VMA22: variants seen among roughly 807,000 people sequenced by gnomAD.
VMA22 encodes the protein vacuolar ATPase assembly factor VMA22, also known as vacuolar ATPase assembly protein VMA22.
chr2:130,339,269 A>G, the VMA22 span: 9 of 1,551,842 alleles, frequency 5.8e-6, no homozygotes, highest in African/African-American at 8.2e-5. Flanking sequence ...TGGTATCTGT[A>G]GTGTAACACA....
At chr2:130,339,198 C>G in the VMA22 span, 1 of 1,614,180 alleles carries the variant, frequency 6.2e-7, no homozygotes, top group Non-Finnish European at 8.5e-7. Context: ...CAATGCGGTT[C>G]TGGAGGCTGG....
chr2:130,338,426 C>T, the VMA22 span: 1 of 152,118 alleles, frequency 6.6e-6, no homozygotes, highest in African/African-American at 2.4e-5. Context: ...ATAAACAGCT[C>T]CTAGAAATTA....
At chr2:130,341,228 T>G in the VMA22 span, 1 of 661,158 alleles carries the variant, frequency 1.5e-6, no homozygotes. Flanking sequence ...CAGATGAGAC[T>G]GTTTGTCCAC....
the VMA22 span, chr2:130,339,118 T>C: frequency 1.4e-5 from 23 of 1,610,996 alleles, no homozygotes; most frequent in Non-Finnish European, 2.0e-5. Flanking sequence ...TTTGCGCGCA[T>C]GTCAGGCAGC....
At chr2:130,341,770 A>C in the VMA22 span, 1 of 1,608,848 alleles carries the variant, frequency 6.2e-7, no homozygotes, top group African/African-American at 1.3e-5. Flanking sequence ...AGAAGGGAGG[A>C]TGGAGCTTTG....
the VMA22 span, chr2:130,339,472 C>G: frequency 7.2e-7 from 1 of 1,387,074 alleles, no homozygotes; most frequent in Non-Finnish European, 9.4e-7. Context: ...TATCACCCAC[C>G]AGGAACTAAA....
At chr2:130,342,546 G>A in the VMA22 span, 1 of 459,104 alleles carries the variant, frequency 2.2e-6, no homozygotes, top group African/African-American at 2.0e-5. Context: ...GTCGGTGTGC[G>A]GTTTTTACAG....
chr2:130,340,830 C>G, the VMA22 span: 1 of 1,554,012 alleles, frequency 6.4e-7, no homozygotes, highest in Non-Finnish European at 8.9e-7. Context: ...CTAACCCCAG[C>G]CATGGCAGCA....
At chr2:130,338,835 C>A in the VMA22 span, 1 of 379,470 alleles carries the variant, frequency 2.6e-6, no homozygotes, top group Non-Finnish European at 4.9e-6. Context: ...CTGAGTGATC[C>A]AAGAGGCAGT....
At chr2:130,339,030 C>A in the VMA22 span, 3 of 934,112 alleles carry the variant, frequency 3.2e-6, no homozygotes, top group East Asian at 7.6e-5. Context: ...GGGGTAGGGG[C>A]AAGAGCTAAT....
the VMA22 span, chr2:130,342,148 C>T: frequency 6.2e-7 from 1 of 1,612,012 alleles, no homozygotes; most frequent in South Asian, 1.1e-5. Flanking sequence ...AGATCTGGAG[C>T]CACCTTCTTC....
the VMA22 span, chr2:130,341,989 C>T: frequency 6.2e-7 from 1 of 1,613,022 alleles, no homozygotes; most frequent in African/African-American, 1.3e-5. Flanking sequence ...CGCCCGTGTA[C>T]CCTCCTGCCC....
the VMA22 span, chr2:130,342,018 C>T: frequency 3.1e-6 from 5 of 1,613,854 alleles, no homozygotes; most frequent in African/African-American, 6.7e-5. Flanking sequence ...CGCCTACCTC[C>T]TCCACCCGGG....
chr2:130,338,946 G>A, the VMA22 span: 2 of 595,300 alleles, frequency 3.4e-6, no homozygotes, highest in East Asian at 5.6e-5. Flanking sequence ...ATTACTGTTT[G>A]CCTCTTCAAA....
At chr2:130,342,565 T>C in the VMA22 span, 2 of 463,162 alleles carry the variant, frequency 4.3e-6, no homozygotes. Flanking sequence ...AGTTGAACTG[T>C]TTCCAGCCGC....
the VMA22 span, chr2:130,339,704 G>A: frequency 1.5e-6 from 2 of 1,304,304 alleles, no homozygotes; most frequent in South Asian, 2.5e-5. Flanking sequence ...CAGCAGGGCT[G>A]ACCACACATT....
chr2:130,340,820 C>T, the VMA22 span: 1 of 1,526,050 alleles, frequency 6.6e-7, no homozygotes, highest in Non-Finnish European at 9.1e-7. Context: ...CTTTCACAGA[C>T]TAACCCCAGC....
the VMA22 span, chr2:130,339,486 TCA>T: frequency 8.8e-6 from 12 of 1,364,252 alleles, no homozygotes; most frequent in African/African-American, 1.5e-5. Flanking sequence ...AACTAAAAAT[TCA>T]CAGATAGTAA....
chr2:130,340,633 T>A, the VMA22 span: 1 of 464,310 alleles, frequency 2.2e-6, no homozygotes, highest in Non-Finnish European at 3.9e-6. Flanking sequence ...GGCCTACTTA[T>A]TTGCACGTTG....
Sources: gnomAD v4.1 joint callset for allele counts on GRCh38, gnomAD v4.1.1 for gene constraint, MANE v1.5 for transcripts, NCBI Gene and HGNC (gene_info 2026-07-23, HGNC 2026-07-21) for gene names.